CEP162: variants seen among roughly 807,000 people sequenced by gnomAD.
CEP162 encodes centrosomal protein 162.
Under a neutral mutation model 169.2 loss-of-function variants are expected in CEP162, and 141 were observed. That is an observed-to-expected ratio of 0.83 (90% CI 0.73 to 0.96). The LOEUF (loss-of-function observed/expected upper bound fraction) is 0.96. Among genes scored for constraint, CEP162 ranks in the 40% least tolerant of loss-of-function variants. The probability of loss-of-function intolerance (pLI) is 0.00; values close to 1 mark genes in which losing one functional copy is unlikely to be tolerated. For missense variants in CEP162, 1,600 were observed against 1,587.2 expected (o/e 1.01, Z -0.14); for synonymous variants, 540 against 526.4 (o/e 1.03, Z -0.35).
At position 84,185,429 on chromosome 6, in the gene CEP162, C is replaced by G. The variant is rs533422258; in HGVS notation, c.1421G>C (p.Ser474Thr). The G allele has an allele frequency of 1.1e-4, 179 of 1,613,350 alleles. 6 individuals are homozygous for G. The South Asian group carries it at 1.9e-3, about 17-fold the overall frequency. Residue 474 changes from serine (S) to threonine (T), a missense_variant, in exon 13 of 27, where the codon AGT (serine) becomes ACT (threonine). By Grantham distance (58) the Ser-to-Thr change is moderately conservative. Coordinates refer to ENST00000403245, the MANE Select transcript of CEP162 (RefSeq NM_014895.4). ...CATTACAGCCCCTTCTTCTTCAGAA[C>G]TAAGTTGAGATCTGTAAGTCTGTAC... is the stretch of plus-strand genomic sequence containing the variant. The part of the protein sequence containing the change: ...KINKTYRSQL[S>T]SEEEGAVMGK...
At chr6:84,151,917 T>C (rs776132411) in intron 23 of CEP162, among the ~76,000 whole-genome samples, 88 of 151,756 alleles carry the variant, frequency 5.8e-4, no homozygotes, top group African/African-American at 2.2e-4. Context: ...GGAAGTGAGA[T>C]AGAAATAAAA....
intron 17 of CEP162, among the ~76,000 whole-genome samples, chr6:84,171,060 G>A (rs535668908): frequency 6.6e-6 from 1 of 152,290 alleles, no homozygotes; most frequent in African/African-American, 2.4e-5. Flanking sequence ...CTTGGGAGGA[G>A]AATGAAGCCA....
intron 18 of CEP162, among the ~76,000 whole-genome samples, chr6:84,168,406 GGT>G (rs1207027720): frequency 6.6e-6 from 1 of 151,910 alleles, no homozygotes; most frequent in African/African-American, 2.4e-5. Flanking sequence ...TATTAACTAT[GGT>G]ATGTTTCTAT....
chr6:84,206,796 G>C (rs1215429302), intron 6 of CEP162, among the ~76,000 whole-genome samples: 1 of 152,002 alleles, frequency 6.6e-6, no homozygotes, highest in African/African-American at 2.4e-5. Context: ...CTACAGAATG[G>C]GAGAAAATTT....
chr6:84,215,959 T>C, intron 3 of CEP162, 37 bp from the exon 4 acceptor site: 1 of 1,484,604 alleles, frequency 6.7e-7, no homozygotes, highest in African/African-American at 1.4e-5. Flanking sequence ...AGATTTATGT[T>C]CAAAGAATTG....
At chr6:84,155,700 G>A in intron 21 of CEP162, 190 bp from the exon 22 acceptor site, 1 of 549,622 alleles carries the variant, frequency 1.8e-6, no homozygotes, top group Non-Finnish European at 3.2e-6. Flanking sequence ...ATGTTTGCCA[G>A]GAGAACTACA....
chr6:84,129,445 A>T (rs1402710539), intron 25 of CEP162, among the ~76,000 whole-genome samples: 2 of 152,166 alleles, frequency 1.3e-5, no homozygotes, highest in African/African-American at 4.8e-5. Flanking sequence ...ACCAGCGATG[A>T]GCTTTTTTTC....
In CEP162 at chr6:84,171,644, C is replaced by T. The variant is rs377095983; in HGVS notation, c.2241G>A (p.Lys747=). Residue 747 remains lysine, a synonymous_variant, in exon 17 of 27, where the codon AAG becomes AAA. Transcript: ENST00000403245. ...CCTCACTGAATAAACTTTGGTTTTC[C>T]TTAAACATTCGCTCCTCATTTTTCT... is the stretch of plus-strand genomic sequence containing the variant. The part of the protein sequence containing the change: ...QNKKNEERMF[K]ENQSLFSEVA... The T allele has an allele frequency of 1.9e-6, 3 of 1,550,396 alleles. No homozygotes were observed. Among genetic ancestry groups the T allele is most frequent in the Non-Finnish European group, 2.6e-6 (3 of 1,149,738 alleles).
At chr6:84,164,971 A>G (rs1311105518) in intron 18 of CEP162, among the ~76,000 whole-genome samples, 1 of 152,028 alleles carries the variant, frequency 6.6e-6, no homozygotes, top group African/African-American at 2.4e-5. Context: ...AGCTTTACCC[A>G]TGACTGATCA....
chr6:84,195,684 T>C (rs189930765), intron 9 of CEP162, among the ~76,000 whole-genome samples: 1 of 152,350 alleles, frequency 6.6e-6, no homozygotes, highest in Admixed American at 6.5e-5. Context: ...TTCTTCTGCA[T>C]GCCTTCTTCT....
chr6:84,195,033 T>C lies in CEP162; in HGVS notation c.878A>G (p.His293Arg). ...GQSSSDVEAL[H>R]QAYCHIAHSL... The stretch of plus-strand genomic sequence containing the variant: ...ATGGGCTATATGACAATAAGCTTGA[T>C]GTAGGGCTTCAACGTCACTACTGCT... The change falls in exon 10 of 27, where the codon CAT becomes CGT. Residue 293 changes from histidine to arginine, a missense_variant. Transcript: ENST00000403245. 1 of 1,607,882 alleles carries C rather than the reference T, an allele frequency of 6.2e-7. No homozygotes were observed. Among genetic ancestry groups the C allele is most frequent in the Non-Finnish European group, 8.5e-7 (1 of 1,177,266 alleles).
At chr6:84,141,145 A>G (rs1365249042) in intron 25 of CEP162, among the ~76,000 whole-genome samples, 2 of 152,202 alleles carry the variant, frequency 1.3e-5, no homozygotes, top group African/African-American at 4.8e-5. Flanking sequence ...GGTTCCTAAC[A>G]GGCCATGAAC....
chr6:84,175,238 A>C lies in CEP162; in HGVS notation c.1773T>G (p.Thr591=). 1 of 1,540,618 alleles carries C rather than the reference A, an allele frequency of 6.5e-7. No individual in the cohort carries two copies. Among genetic ancestry groups the C allele is most frequent in the Non-Finnish European group, 8.8e-7 (1 of 1,140,874 alleles). ...TRKKSENPTE[T]DSCIQFQTDS... ...CAGTCTGAAACTGAATACAGGAATC[A>C]GTTTCTGTGGGATTTTCAGACTTCT... The change falls in exon 14 of 27, where the codon ACT becomes ACG. Residue 591 remains threonine (T), a synonymous_variant. Transcript: ENST00000403245.
At chr6:84,139,543 G>T (rs549768754) in intron 25 of CEP162, among the ~76,000 whole-genome samples, 39 of 152,306 alleles carry the variant, frequency 2.6e-4, no homozygotes, top group African/African-American at 9.4e-4. Flanking sequence ...TGGCAATGCA[G>T]ATGGGACTTT....
chr6:84,219,154 T>A, intron 3 of CEP162: 1 of 1,292,292 alleles, frequency 7.7e-7, no homozygotes, highest in African/African-American at 1.5e-5. Context: ...TGTTGAATTC[T>A]CCCTCAGAAG....
chr6:84,159,768 G>A (rs1291811306), intron 21 of CEP162, among the ~76,000 whole-genome samples: 1 of 150,716 alleles, frequency 6.6e-6, no homozygotes, highest in Non-Finnish European at 1.5e-5. Context: ...TTTTAGCAGA[G>A]AGAGGGTTTC....
chr6:84,176,998 A>AT (rs796850795), intron 13 of CEP162, among the ~76,000 whole-genome samples: 74 of 152,212 alleles, frequency 4.9e-4, no homozygotes, highest in African/African-American at 1.7e-3. Flanking sequence ...ACATATTAAG[A>AT]TTTTGACATA....
At chr6:84,214,114 T>TA (rs1430329752) in intron 5 of CEP162, among the ~76,000 whole-genome samples, 2 of 151,932 alleles carry the variant, frequency 1.3e-5, no homozygotes, top group Non-Finnish European at 2.9e-5. Context: ...CCTTCTCTAC[T>TA]AAAAAATACA....
At position 84,223,266 on chromosome 6, in the gene CEP162, C is replaced by T. The variant is rs535427828; in HGVS notation, c.58-2095G>A. 4.9e-4 allele frequency among the ~76,000 whole-genome samples: 74 copies of T among 151,800 alleles called. No individual in the cohort carries two copies. In the East Asian group the frequency reaches 5.7e-3, roughly 12 times the overall value. ...CTGTAATCCCAGCACTTTGGGAAGCCGAGGTGGGCGGATCACGAGGTCAGG... is the reference window on the plus strand; with the variant it reads ...CTGTAATCCCAGCACTTTGGGAAGCTGAGGTGGGCGGATCACGAGGTCAGG... On this transcript the variant is annotated intron_variant, in intron 2 of 26. Coordinates refer to ENST00000403245, the MANE Select transcript of CEP162 (RefSeq NM_014895.4).
Sources: allele counts gnomAD v4.1 joint callset (sites outside exome capture counted in the v4.1 genomes callset), GRCh38; gene constraint gnomAD v4.1.1; transcripts MANE v1.5; gene names NCBI Gene and HGNC (gene_info 2026-07-23, HGNC 2026-07-21).